The following ADCY5 variants were observed in gnomAD, a reference collection of about 807,000 sequenced individuals.
ADCY5 encodes adenylate cyclase 5.
Under a neutral mutation model 119.7 loss-of-function variants are expected in ADCY5, and 30 were observed. The observed-to-expected ratio is 0.25, with a 90% CI of 0.19 to 0.34. The LOEUF (loss-of-function observed/expected upper bound fraction) is 0.34, where lower values mean the gene tolerates loss of function less well. ADCY5 is among the 10% of genes least tolerant of loss of function. The pLI is 1.00. For synonymous variants in ADCY5, 753 were observed against 762.2 expected (o/e 0.99, Z 0.20); for missense variants, 1,324 against 1,775.2 (o/e 0.75, Z 4.57).
intron 14 of ADCY5, among the ~76,000 whole-genome samples, chr3:123,300,767 T>C (rs1343286179): frequency 6.6e-6 from 1 of 152,224 alleles, no homozygotes; most frequent in African/African-American, 2.4e-5. Flanking sequence ...AAGCAGAATG[T>C]GTTTTCATGA....
chr3:123,334,781 G>T (rs1183153116), intron 3 of ADCY5, among the ~76,000 whole-genome samples: 1 of 152,152 alleles, frequency 6.6e-6, no homozygotes, highest in Non-Finnish European at 1.5e-5. Flanking sequence ...ATTGACAAAT[G>T]ATAATTGTAT....
chr3:123,312,021 A>T (rs113774838), intron 12 of ADCY5, among the ~76,000 whole-genome samples: 22 of 152,178 alleles, frequency 1.4e-4, no homozygotes, highest in Admixed American at 1.4e-3. Context: ...GAACTGTGGG[A>T]AAAAAACTCA....
rs1490047531 is a variant in ADCY5, at chr3:123,444,217, A to G, written c.1134+3195T>C. 3.3e-5 allele frequency among the ~76,000 whole-genome samples: 5 copies of G among 152,272 alleles called. No individual in the cohort carries two copies. The East Asian group carries it at 9.7e-4, about 29-fold the overall frequency. On this transcript the variant is annotated intron_variant, in intron 1 of 20. Transcript: ENST00000462833. ...TGGGTGTAGCAGAGGGACTTCTAAC[A>G]GGCAAAGGAGGAGAAAAAAACAACC...
chr3:123,312,650 C>G (rs554601670), intron 12 of ADCY5, among the ~76,000 whole-genome samples: 1 of 152,310 alleles, frequency 6.6e-6, no homozygotes, highest in South Asian at 2.1e-4. Flanking sequence ...TCAGACCATA[C>G]GTGTGACCTT....
At chr3:123,440,581 C>A (rs1945706069) in intron 1 of ADCY5, among the ~76,000 whole-genome samples, 1 of 151,944 alleles carries the variant, frequency 6.6e-6, no homozygotes, top group African/African-American at 2.4e-5. Flanking sequence ...CTTTAAGGCA[C>A]ACTCCCCTTC....
chr3:123,299,404 A>C (rs1030091933), intron 15 of ADCY5, among the ~76,000 whole-genome samples: 2 of 152,176 alleles, frequency 1.3e-5, no homozygotes, highest in Admixed American at 1.3e-4. Context: ...TTTTACAAAG[A>C]AAAAATTATG....
intron 7 of ADCY5, 27 bp downstream of exon 7, chr3:123,327,591 C>T: frequency 1.2e-6 from 2 of 1,605,520 alleles, no homozygotes; most frequent in Non-Finnish European, 8.5e-7. Flanking sequence ...GGGAGCCCCT[C>T]AGCCCCCCGG....
intron 12 of ADCY5, among the ~76,000 whole-genome samples, chr3:123,310,429 A>C (rs968235858): frequency 6.6e-6 from 1 of 152,124 alleles, no homozygotes; most frequent in African/African-American, 2.4e-5. Context: ...AGGAGCTGTG[A>C]GTGAGCTCCC....
chr3:123,387,207 G>T (rs2107575918), intron 1 of ADCY5, among the ~76,000 whole-genome samples: 1 of 152,344 alleles, frequency 6.6e-6, no homozygotes, highest in Non-Finnish European at 1.5e-5. Context: ...ATGTGTGTGG[G>T]TTGTGAGAGC....
intron 2 of ADCY5, among the ~76,000 whole-genome samples, chr3:123,350,025 G>T (rs1181507057): frequency 6.6e-6 from 1 of 152,174 alleles, no homozygotes; most frequent in Non-Finnish European, 1.5e-5. Context: ...GCACTGAAAT[G>T]AAATCCACAC....
intron 9 of ADCY5, 87 bp from the exon 10 acceptor site, chr3:123,319,905 C>T: frequency 6.5e-7 from 1 of 1,530,978 alleles, no homozygotes; most frequent in Non-Finnish European, 8.9e-7. Flanking sequence ...CCCCCAGACT[C>T]TCGGAGAGGC....
chr3:123,396,811 CAGGCAGGCGAGA>C (rs1250972668), intron 1 of ADCY5, among the ~76,000 whole-genome samples: 1 of 81,110 alleles, frequency 1.2e-5, no homozygotes, highest in South Asian at 4.8e-4. Context: ...GGCAGGCAGG[CAGGCAGGCGAGA>C]GAGAGAGAGA....
chr3:123,448,131 AGCCGCCGCC>A lies in ADCY5; in HGVS notation c.406_414del (p.Gly136_Gly138del), dbSNP rs751167282. Reference sequence around the variant, plus strand: ...CCCGCCGAGGCAGCCGCCGCCGCCGAGCCGCCGCCGCCGCCCGCAGGGGGCGCCCGGGTG... The same window carrying A: ...CCCGCCGAGGCAGCCGCCGCCGCCGAGCCGCCCGCAGGGGGCGCCCGGGTG... On this transcript the variant is annotated inframe_deletion, in exon 1 of 21. Coordinates refer to ENST00000462833, the MANE Select transcript of ADCY5 (RefSeq NM_183357.3). 2 of 1,032,982 alleles carry A rather than the reference AGCCGCCGCC, an allele frequency of 1.9e-6. No individual in the cohort carries two copies. Among genetic ancestry groups the A allele is most frequent in the Non-Finnish European group, 1.2e-6 (1 of 866,762 alleles). The allele number at this position is 1,032,982 out of a possible 1,614,324, so 64.0% of individuals were successfully genotyped here.
intron 12 of ADCY5, among the ~76,000 whole-genome samples, chr3:123,306,010 C>G (rs1002105661): frequency 6.6e-6 from 1 of 152,172 alleles, no homozygotes; most frequent in Non-Finnish European, 1.5e-5. Flanking sequence ...AGCAGGAGAG[C>G]CTCCCAGGTA....
rs1939048705 is a variant in ADCY5 at position 123,290,079 on chromosome 3, G to A, written c.3328-125C>T. ...TTCATGTGTCCGCTCTTCACACAGTGGGGCCTGTCTCCATCCTCATCAGTG... is the reference window on the plus strand; with the variant it reads ...TTCATGTGTCCGCTCTTCACACAGTAGGGCCTGTCTCCATCCTCATCAGTG... On this transcript the variant is annotated intron_variant, in intron 18 of 20. Transcript: ENST00000462833. 5.4e-6 allele frequency: 5 copies of A among 933,590 alleles called. No individual in the cohort carries two copies. In the South Asian group the frequency reaches 6.3e-5, roughly 12 times the overall value. 57.8% of individuals were successfully genotyped at this position (933,590 alleles called of 1,614,324 possible).
At chr3:123,433,769 CCT>C (rs1217973108) in intron 1 of ADCY5, among the ~76,000 whole-genome samples, 1 of 152,150 alleles carries the variant, frequency 6.6e-6, no homozygotes. Context: ...CCCTTCCCTC[CCT>C]GTCCCACTTA....
At position 123,332,554 on chromosome 3, in the gene ADCY5, G is replaced by A. The variant is rs1941813205; in HGVS notation, c.1518+10C>T. 6.2e-7 allele frequency: 1 copy of A among 1,604,558 alleles called. No homozygotes were observed. The highest frequency in any genetic ancestry group is 1.7e-5 in the Admixed American group (1 of 59,782). ...CAGGCCACCCCAACCCCCGGCTCAG[G>A]GTGACTCACTGCGGCCAGCTTGTCA... On this transcript the variant is annotated intron_variant, in intron 4 of 20. Coordinates refer to ENST00000462833, the MANE Select transcript of ADCY5 (RefSeq NM_183357.3).
At chr3:123,389,393 T>A (rs559362090) in intron 1 of ADCY5, among the ~76,000 whole-genome samples, 1 of 152,148 alleles carries the variant, frequency 6.6e-6, no homozygotes, top group Admixed American at 6.5e-5. Flanking sequence ...GAGACTTTCC[T>A]CTGGACTAGG....
At chr3:123,353,123 G>C (rs1039672992) in intron 1 of ADCY5, among the ~76,000 whole-genome samples, 1 of 152,138 alleles carries the variant, frequency 6.6e-6, no homozygotes, top group African/African-American at 2.4e-5. Flanking sequence ...TGGCCACAGT[G>C]GGTCTCCACT....
Sources: allele counts gnomAD v4.1 joint callset (sites outside exome capture counted in the v4.1 genomes callset), GRCh38; gene constraint gnomAD v4.1.1; transcripts MANE v1.5; gene names NCBI Gene and HGNC (gene_info 2026-07-23, HGNC 2026-07-21).